PCDH9: variants seen among roughly 807,000 people sequenced by gnomAD.
PCDH9 encodes the protein protocadherin-9.
Under a neutral mutation model 70.6 loss-of-function variants are expected in PCDH9, and 24 were observed. The observed-to-expected ratio is 0.34, with a 90% CI of 0.25 to 0.48. The LOEUF is 0.48. Among genes scored for constraint, PCDH9 ranks in the 20% least tolerant of loss-of-function variants. The pLI is 0.99. For synonymous variants in PCDH9, 562 were observed against 558.5 expected, an observed-to-expected ratio of 1.01 and a Z score of -0.09; for missense variants, 1,281 against 1,503.6, an observed-to-expected ratio of 0.85 and a Z score of 2.45.
intron 4 of PCDH9, among the ~76,000 whole-genome samples, chr13:66,502,081 AC>A (rs1959179656): frequency 6.6e-6 from 1 of 152,136 alleles, no homozygotes; most frequent in African/African-American, 2.4e-5. Flanking sequence ...TCTCTGAGCT[AC>A]CTGTTATGGT....
chr13:66,678,333 A>G (rs1452550522), intron 3 of PCDH9, among the ~76,000 whole-genome samples: 1 of 152,104 alleles, frequency 6.6e-6, no homozygotes, highest in Non-Finnish European at 1.5e-5. Flanking sequence ...ATATAAATTA[A>G]CGCAATTAAT....
intron 2 of PCDH9, among the ~76,000 whole-genome samples, chr13:66,994,092 A>G (rs927932008): frequency 1.3e-5 from 2 of 152,204 alleles, no homozygotes; most frequent in African/African-American, 4.8e-5. Context: ...AGAGCTTAGG[A>G]AACAGAAGGA....
At chr13:66,434,054 A>T (rs1266865244) in intron 4 of PCDH9, among the ~76,000 whole-genome samples, 1 of 151,972 alleles carries the variant, frequency 6.6e-6, no homozygotes, top group Non-Finnish European at 1.5e-5. Flanking sequence ...AGTTGTATCC[A>T]ATGTCCCTTT....
rs776019485 is a variant in PCDH9, at chr13:66,631,409, C to T, written c.3141G>A (p.Ser1047=). The stretch of plus-strand genomic sequence containing the variant: ...GGAGATGAAACGTAACACGGCGCTG[C>T]GACTACAAAGAAGACCACAGGACAT... ...IQENEESHYE[S]QRRVTFHLPD... The change falls in exon 4 of 5, where the codon TCG becomes TCA. Residue 1047 remains serine (S), a splice_region_variant and synonymous_variant. Transcript: ENST00000377865. 3.8e-6 allele frequency: 6 copies of T among 1,594,596 alleles called. No homozygotes were observed. The highest frequency in any genetic ancestry group is 5.2e-6 in the Non-Finnish European group (6 of 1,162,696).
At chr13:67,165,937 C>T (rs1289869080) in intron 2 of PCDH9, among the ~76,000 whole-genome samples, 1 of 152,136 alleles carries the variant, frequency 6.6e-6, no homozygotes, top group Non-Finnish European at 1.5e-5. Flanking sequence ...TACGTAACTA[C>T]CCATTTTACA....
rs559225307 is a variant in PCDH9 at position 66,636,889 on chromosome 13, GA to G, written c.3139-5479del. Among the ~76,000 whole-genome samples, 1,242 of 151,916 alleles carry G rather than the reference GA, an allele frequency of 8.2e-3. 9 individuals are homozygous for G. The highest frequency in any genetic ancestry group is 0.014 in the Middle Eastern group (4 of 290). ...TATATCTCTGCATAAATCCAATAAA[GA>G]TTTGATTTTTCTTTATTTGAAATAT... On this transcript the variant is annotated intron_variant, in intron 3 of 4. Coordinates refer to ENST00000377865, the MANE Select transcript of PCDH9 (RefSeq NM_203487.3).
At chr13:66,420,994 C>T (rs952059675) in intron 4 of PCDH9, among the ~76,000 whole-genome samples, 1 of 151,790 alleles carries the variant, frequency 6.6e-6, no homozygotes, top group Admixed American at 6.6e-5. Context: ...ACATAAATGA[C>T]CTGATGGTGC....
At chr13:66,497,332 C>T (rs1435902356) in intron 4 of PCDH9, among the ~76,000 whole-genome samples, 1 of 152,020 alleles carries the variant, frequency 6.6e-6, no homozygotes, top group Non-Finnish European at 1.5e-5. Flanking sequence ...CCTCAGCCTC[C>T]CAAACTTTCT....
intron 4 of PCDH9, among the ~76,000 whole-genome samples, chr13:66,375,706 TTAAC>T (rs1438709062): frequency 6.6e-6 from 1 of 152,034 alleles, no homozygotes; most frequent in Non-Finnish European, 1.5e-5. Context: ...AACCATGAAT[TTAAC>T]TATTATTTAA....
At chr13:66,813,225 G>A (rs1345671633) in intron 3 of PCDH9, among the ~76,000 whole-genome samples, 2 of 152,080 alleles carry the variant, frequency 1.3e-5, no homozygotes, top group East Asian at 3.9e-4. Context: ...GGACACTCAA[G>A]GCATTATAAC....
chr13:66,424,733 CA>C (rs2138358679), intron 4 of PCDH9, among the ~76,000 whole-genome samples: 1 of 151,928 alleles, frequency 6.6e-6, no homozygotes, highest in East Asian at 1.9e-4. Flanking sequence ...GGTGAAGAAA[CA>C]ATTTCGTCTG....
chr13:67,216,365 T>A (rs1392877703), intron 2 of PCDH9: 6 of 152,144 alleles, frequency 3.9e-5, no homozygotes. Context: ...CAATTTTTAC[T>A]ATGGTGTAAT....
At chr13:67,110,786 C>G (rs887238021) in intron 2 of PCDH9, among the ~76,000 whole-genome samples, 3 of 152,154 alleles carry the variant, frequency 2.0e-5, no homozygotes, top group Non-Finnish European at 4.4e-5. Flanking sequence ...GTCTGTTTAT[C>G]TCTCTGAGTC....
intron 2 of PCDH9, among the ~76,000 whole-genome samples, chr13:67,084,246 C>T (rs1301562017): frequency 6.6e-6 from 1 of 152,152 alleles, no homozygotes; most frequent in Non-Finnish European, 1.5e-5. Context: ...CACTGGCACA[C>T]AGACCTCAGA....
chr13:66,313,968 T>C (rs1341330626), intron 4 of PCDH9, among the ~76,000 whole-genome samples: 2 of 152,236 alleles, frequency 1.3e-5, no homozygotes, highest in Non-Finnish European at 2.9e-5. Flanking sequence ...ATCCATGTGA[T>C]CTGTAGGTAT....
chr13:66,695,096 G>A (rs1167847269), intron 3 of PCDH9, among the ~76,000 whole-genome samples: 3 of 151,894 alleles, frequency 2.0e-5, no homozygotes, highest in African/African-American at 7.3e-5. Flanking sequence ...GTAAAGACGG[G>A]GTTTCACCGT....
At chr13:66,906,960 C>T (rs1398551200) in intron 2 of PCDH9, among the ~76,000 whole-genome samples, 2 of 152,050 alleles carry the variant, frequency 1.3e-5, no homozygotes, top group Admixed American at 6.6e-5. Context: ...AATCCCAGCA[C>T]TTTGGGAGGC....
intron 4 of PCDH9, among the ~76,000 whole-genome samples, chr13:66,380,778 C>T (rs2138241345): frequency 6.6e-6 from 1 of 152,150 alleles, no homozygotes; most frequent in Admixed American, 6.5e-5. Flanking sequence ...CTCCTGACCT[C>T]GTGATCCACC....
chr13:66,472,704 G>A (rs898392213), intron 4 of PCDH9, among the ~76,000 whole-genome samples: 4 of 151,846 alleles, frequency 2.6e-5, no homozygotes, highest in African/African-American at 9.7e-5. Flanking sequence ...TTTGAAAATC[G>A]TTTTTTTCCC....
Sources: allele counts gnomAD v4.1 joint callset (sites outside exome capture counted in the v4.1 genomes callset), GRCh38; gene constraint gnomAD v4.1.1; transcripts MANE v1.5; gene names NCBI Gene and HGNC (gene_info 2026-07-23, HGNC 2026-07-21).